Variants in N4BP2 observed in about 807,000 individuals in gnomAD.
N4BP2 encodes the protein NEDD4-binding protein 2.
N4BP2 carries 91 observed loss-of-function variants against 152.8 expected under a neutral mutation model. That is an observed-to-expected ratio of 0.60 (90% CI 0.50 to 0.71). The LOEUF (loss-of-function observed/expected upper bound fraction) is 0.71. N4BP2 is among the 30% of genes least tolerant of loss of function. The pLI is 0.00. For missense variants in N4BP2, 1,923 were observed against 2,059.1 expected, an observed-to-expected ratio of 0.93 and a Z score of 1.28; for synonymous variants, 646 against 705.3, an observed-to-expected ratio of 0.92 and a Z score of 1.33.
At chr4:40,064,591 G>T (rs890117503) in intron 1 of N4BP2, among the ~76,000 whole-genome samples, 2 of 151,968 alleles carry the variant, frequency 1.3e-5, no homozygotes, top group African/African-American at 4.8e-5. Flanking sequence ...TATTTATTGA[G>T]CTCTTGTTTG....
At chr4:40,124,347 TA>T (rs1718202425) in intron 11 of N4BP2, 142 bp downstream of exon 11, 2 of 434,530 alleles carry the variant, frequency 4.6e-6, no homozygotes, top group African/African-American at 2.1e-5. Context: ...TTTATTTATT[TA>T]TTTATTTTTT....
At chr4:40,073,378 A>G (rs1407273967) in intron 1 of N4BP2, 77 bp from the exon 2 acceptor site, 1 of 151,992 alleles carries the variant, frequency 6.6e-6, no homozygotes, top group Admixed American at 6.6e-5. Context: ...AATATTATAG[A>G]CATTTTTGAC....
Position 40,120,275 on chromosome 4 carries a change from A to C in N4BP2, c.2164A>C (p.Arg722=). Residue 722 remains arginine (R), a synonymous_variant, in exon 9 of 18, where the codon AGA becomes CGA. Transcript: ENST00000261435. ...AACTGACACAGATAGTTCTATGGAGAGAGTATCACCTAGTACTTGCTGTAG... is the reference window on the plus strand; with the variant it reads ...AACTGACACAGATAGTTCTATGGAGCGAGTATCACCTAGTACTTGCTGTAG... The part of the protein sequence containing the change: ...SKTDTDSSME[R]VSPSTCCSEN... 1 of 1,613,690 alleles carries C rather than the reference A, an allele frequency of 6.2e-7. No homozygotes were observed. Among genetic ancestry groups the C allele is most frequent in the Non-Finnish European group, 8.5e-7 (1 of 1,179,840 alleles).
intron 16 of N4BP2, among the ~76,000 whole-genome samples, chr4:40,150,174 A>T (rs896993210): frequency 1.3e-5 from 2 of 152,198 alleles, no homozygotes; most frequent in East Asian, 1.9e-4. Context: ...TGAATTTTTT[A>T]AAAAAGAGAG....
At position 40,102,376 on chromosome 4, in the gene N4BP2, T is replaced by A; in HGVS notation, c.531T>A (p.Ser177Arg). Residue 177 changes from serine (S) to arginine (R), a missense_variant, in exon 4 of 18, where the codon AGT becomes AGA. Transcript: ENST00000261435. ...SQDVNSFNDS[S>R]EFINPDSSNM... ...ATGTTAATAGTTTTAATGACTCAAG[T>A]GAGTTTATAAATCCTGATTCAAGTA... The A allele has an allele frequency of 6.2e-7, 1 of 1,612,892 alleles. No homozygotes were observed. Among genetic ancestry groups the A allele is most frequent in the Non-Finnish European group, 8.5e-7 (1 of 1,179,510 alleles).
At chr4:40,116,888 T>C (rs897285764) in intron 7 of N4BP2, among the ~76,000 whole-genome samples, 7 of 152,194 alleles carry the variant, frequency 4.6e-5, no homozygotes, top group South Asian at 2.1e-4. Flanking sequence ...AAGATAACAC[T>C]TCACTCCCTT....
intron 6 of N4BP2, 74 bp downstream of exon 6, chr4:40,112,246 A>G: frequency 1.2e-6 from 1 of 863,290 alleles, no homozygotes; most frequent in Admixed American, 2.5e-5. Flanking sequence ...TATGAAAGTG[A>G]ATCTGAAGCA....
At chr4:40,170,144 T>A in the N4BP2 span, among the ~76,000 whole-genome samples, 1 of 152,160 alleles carries the variant, frequency 6.6e-6, no homozygotes, top group Non-Finnish European at 1.5e-5. Flanking sequence ...AATAATTGTG[T>A]CTATAATTTT....
intron 4 of N4BP2, among the ~76,000 whole-genome samples, chr4:40,104,792 T>C (rs965069442): frequency 1.7e-4 from 25 of 150,952 alleles, no homozygotes; most frequent in African/African-American, 6.1e-4. Context: ...TGTTGAGACA[T>C]AGAACCTGCG....
chr4:40,070,951 A>T (rs1379670991), intron 1 of N4BP2, among the ~76,000 whole-genome samples: 2 of 150,698 alleles, frequency 1.3e-5, no homozygotes, highest in Non-Finnish European at 3.0e-5. Flanking sequence ...CAGCCTCCTA[A>T]ATAGCTGGGA....
chr4:40,096,207 A>G (rs1474943619), intron 2 of N4BP2, among the ~76,000 whole-genome samples: 2 of 152,196 alleles, frequency 1.3e-5, no homozygotes, highest in Non-Finnish European at 2.9e-5. Flanking sequence ...TACAATACGT[A>G]TGTAAAACAT....
At chr4:40,097,600 A>G (rs2109952925) in intron 3 of N4BP2, 31 bp downstream of exon 3, 3 of 1,318,694 alleles carry the variant, frequency 2.3e-6, no homozygotes, top group Non-Finnish European at 3.3e-6. Context: ...AACCCTGTCC[A>G]TCTTATAAGA....
intron 15 of N4BP2, among the ~76,000 whole-genome samples, chr4:40,143,795 A>G (rs1720267062): frequency 6.6e-6 from 1 of 152,172 alleles, no homozygotes; most frequent in Admixed American, 6.5e-5. Flanking sequence ...AAGGATACAC[A>G]AATAATAAAC....
chr4:40,107,002 A>G lies in N4BP2; in HGVS notation c.1476A>G (p.Ala492=). 3 of 1,613,716 alleles carry G rather than the reference A, an allele frequency of 1.9e-6. No homozygotes were observed. The highest frequency in any genetic ancestry group is 2.5e-6 in the Non-Finnish European group (3 of 1,179,802). Residue 492 remains alanine (A), a synonymous_variant, in exon 5 of 18, where the codon GCA becomes GCG. Transcript: ENST00000261435. ...TTGATGTAAAGTACTTAGGAGAAGC[A>G]CATGAATGGAACCAGAATCGTGGTA... The part of the protein sequence containing the change: ...YQFDVKYLGE[A]HEWNQNRAKE...
chr4:40,151,145 A>T (rs1721119399), intron 16 of N4BP2, among the ~76,000 whole-genome samples: 1 of 152,268 alleles, frequency 6.6e-6, no homozygotes, highest in African/African-American at 2.4e-5. Flanking sequence ...TCAACTAGAG[A>T]ATATTTTCAG....
Position 40,120,811 on chromosome 4 carries a change from G to A in N4BP2, c.2700G>A (p.Met900Ile), listed in dbSNP as rs772281095. The change falls in exon 9 of 18, where the codon ATG becomes ATA. Residue 900 changes from methionine to isoleucine, a missense_variant. Transcript: ENST00000261435. ...SLAQREHRSR[M>I]PKTGLSEPNL... ...CTCAGAGGGAACACAGATCAAGAATGCCAAAGACTGGTTTAAGTGAGCCCA... is the reference window on the plus strand; with the variant it reads ...CTCAGAGGGAACACAGATCAAGAATACCAAAGACTGGTTTAAGTGAGCCCA... 2 of 1,614,148 alleles carry A rather than the reference G, an allele frequency of 1.2e-6. No homozygotes were observed. Among genetic ancestry groups the A allele is most frequent in the South Asian group, 2.2e-5 (2 of 91,084 alleles).
chr4:40,100,037 G>T, intron 3 of N4BP2: 1 of 455,470 alleles, frequency 2.2e-6, no homozygotes, highest in Admixed American at 2.4e-5. Flanking sequence ...CTTCTTAAGG[G>T]AACTTAATTG....
intron 16 of N4BP2, among the ~76,000 whole-genome samples, chr4:40,147,651 T>G (rs1236152478): frequency 7.0e-6 from 1 of 143,562 alleles, no homozygotes; most frequent in African/African-American, 2.7e-5. Flanking sequence ...CCCACCTCCC[T>G]CCCAGACGGG....
chr4:40,058,476 A>AG (rs1246381609), intron 1 of N4BP2, among the ~76,000 whole-genome samples: 2 of 152,174 alleles, frequency 1.3e-5, no homozygotes, highest in African/African-American at 4.8e-5. Context: ...AAGAATAGGA[A>AG]ATAAATGGCT....
Sources: gnomAD v4.1 joint callset for allele counts (sites outside exome capture counted in the v4.1 genomes callset) on GRCh38, gnomAD v4.1.1 for gene constraint, MANE v1.5 for transcripts, NCBI Gene and HGNC (gene_info 2026-07-23, HGNC 2026-07-21) for gene names.